Variants in STK32A observed in about 807,000 individuals in gnomAD.
STK32A encodes the protein serine/threonine kinase 32A.
Under a neutral mutation model 53.2 loss-of-function variants are expected in STK32A, and 41 were observed. That is an observed-to-expected ratio of 0.77 (90% CI 0.60 to 1.00). The LOEUF is 1.00. STK32A is among the 50% of genes least tolerant of loss of function. The pLI is 0.00. For synonymous variants in STK32A, 166 were observed against 162.8 expected (o/e 1.02, Z -0.15); for missense variants, 458 against 485.8 (o/e 0.94, Z 0.54).
At chr5:147,254,579 C>T (rs993153016) in intron 2 of STK32A, among the ~76,000 whole-genome samples, 5 of 152,168 alleles carry the variant, frequency 3.3e-5, no homozygotes, top group Admixed American at 1.3e-4. Flanking sequence ...GGTGGGCGCA[C>T]ACTTGGACAA....
intron 2 of STK32A, among the ~76,000 whole-genome samples, chr5:147,262,162 C>G (rs1359830955): frequency 6.6e-6 from 1 of 152,104 alleles, no homozygotes; most frequent in African/African-American, 2.4e-5. Flanking sequence ...GTGAGAAAAC[C>G]TGTCCTGGTT....
chr5:147,246,777 G>C (rs1753784332), intron 2 of STK32A, among the ~76,000 whole-genome samples: 1 of 152,122 alleles, frequency 6.6e-6, no homozygotes, highest in African/African-American at 2.4e-5. Context: ...TCCTCTGTAA[G>C]TTTTTCCTTA....
the STK32A span, chr5:147,400,735 T>C: frequency 6.2e-6 from 10 of 1,614,048 alleles, no homozygotes; most frequent in African/African-American, 4.0e-5. Context: ...CTCCACACCA[T>C]TGGTGCCCTC....
chr5:147,352,110 G>A (rs2058715393), intron 7 of STK32A, among the ~76,000 whole-genome samples: 1 of 152,154 alleles, frequency 6.6e-6, no homozygotes, highest in South Asian at 2.1e-4. Flanking sequence ...TGCTTTGGAA[G>A]CCAAGGCAGG....
Position 147,383,175 on chromosome 5 carries a change from T to C in STK32A, c.1033-266T>C, listed in dbSNP as rs1757519747. 3 of 453,262 alleles carry C rather than the reference T, an allele frequency of 6.6e-6. No homozygotes were observed. In the South Asian group the frequency reaches 9.4e-5, roughly 14 times the overall value. 28.1% of individuals were successfully genotyped at this position (453,262 alleles called of 1,614,324 possible). ...AGCCTTCCCTGAAAGTTGCAAGCTTTCAATAGACTCCAGAGTTCTAAAATA... is the reference window on the plus strand; with the variant it reads ...AGCCTTCCCTGAAAGTTGCAAGCTTCCAATAGACTCCAGAGTTCTAAAATA... On this transcript the variant is annotated intron_variant, in intron 11 of 12. Coordinates refer to ENST00000397936, the MANE Select transcript of STK32A (RefSeq NM_001112724.2).
At chr5:147,306,492 G>A (rs1455656274) in intron 4 of STK32A, among the ~76,000 whole-genome samples, 1 of 151,468 alleles carries the variant, frequency 6.6e-6, no homozygotes, top group East Asian at 1.9e-4. Context: ...TGTGTTATTT[G>A]TTACTATCAA....
chr5:147,298,947 G>A (rs973251585), intron 4 of STK32A, among the ~76,000 whole-genome samples: 5 of 152,166 alleles, frequency 3.3e-5, no homozygotes, highest in African/African-American at 1.2e-4. Flanking sequence ...ATGGCTGCCA[G>A]ATCTGGTGAG....
chr5:147,383,516 C>A lies in STK32A; in HGVS notation c.1097+11C>A. ...TTTCAACAGAGAAAAGTAAGTAATT[C>A]CTGGGAGAACAACAGCCCCAGAAAT... is the stretch of plus-strand genomic sequence containing the variant. On this transcript the variant is annotated intron_variant, in intron 12 of 12. Coordinates refer to ENST00000397936, the MANE Select transcript of STK32A (RefSeq NM_001112724.2). The A allele has an allele frequency of 6.3e-7, 1 of 1,575,912 alleles. No homozygotes were observed. Among genetic ancestry groups the A allele is most frequent in the Non-Finnish European group, 8.6e-7 (1 of 1,158,792 alleles).
chr5:147,294,825 A>C (rs2151963070), intron 4 of STK32A, among the ~76,000 whole-genome samples: 1 of 152,224 alleles, frequency 6.6e-6, no homozygotes, highest in South Asian at 2.1e-4. Context: ...CTGGGACTAC[A>C]GGCATGTGCC....
chr5:147,254,464 C>T (rs1247100497), intron 2 of STK32A, among the ~76,000 whole-genome samples: 1 of 152,174 alleles, frequency 6.6e-6, no homozygotes, highest in Non-Finnish European at 1.5e-5. Context: ...TATAAAGTTT[C>T]AGTGCTGCAA....
intron 4 of STK32A, among the ~76,000 whole-genome samples, chr5:147,280,501 G>A (rs1581033530): frequency 6.6e-6 from 1 of 152,020 alleles, no homozygotes; most frequent in African/African-American, 2.4e-5. Flanking sequence ...GCTGGGTGAG[G>A]CCTGTGACTG....
intron 1 of STK32A, 85 bp from the exon 2 acceptor site, chr5:147,239,454 G>A (rs1384738493): frequency 1.9e-6 from 1 of 513,206 alleles, no homozygotes; most frequent in African/African-American, 2.0e-5. Flanking sequence ...TGATACAGAT[G>A]AGGTTTATGT....
intron 4 of STK32A, among the ~76,000 whole-genome samples, chr5:147,301,232 G>A (rs1412868789): frequency 6.6e-6 from 1 of 152,158 alleles, no homozygotes; most frequent in African/African-American, 2.4e-5. Flanking sequence ...ATGATAGTCT[G>A]TGGTTGGGAG....
chr5:147,311,054 C>CT (rs996893153), intron 4 of STK32A, among the ~76,000 whole-genome samples: 9 of 152,112 alleles, frequency 5.9e-5, no homozygotes, highest in African/African-American at 2.2e-4. Context: ...CACCCCCCAT[C>CT]TTTTTTACTG....
At chr5:147,266,000 G>A (rs1257925684) in intron 2 of STK32A, among the ~76,000 whole-genome samples, 2 of 152,158 alleles carry the variant, frequency 1.3e-5, no homozygotes, top group Non-Finnish European at 2.9e-5. Context: ...AGTGCCAGCC[G>A]AACTTAGAAG....
intron 1 of STK32A, among the ~76,000 whole-genome samples, chr5:147,236,347 G>A (rs1753318130): frequency 2.0e-5 from 3 of 152,068 alleles, no homozygotes; most frequent in Admixed American, 6.5e-5. Context: ...TTTCATGGAT[G>A]GTAGCTGTCC....
intron 4 of STK32A, among the ~76,000 whole-genome samples, chr5:147,300,173 A>G (rs745964855): frequency 1.3e-5 from 2 of 152,236 alleles, no homozygotes; most frequent in Non-Finnish European, 2.9e-5. Flanking sequence ...TACATATATT[A>G]TCTCATTTAT....
intron 5 of STK32A, among the ~76,000 whole-genome samples, chr5:147,338,994 A>G (rs1755273310): frequency 6.6e-6 from 1 of 152,242 alleles, no homozygotes; most frequent in Non-Finnish European, 1.5e-5. Flanking sequence ...TAGAAAAGAA[A>G]AACCTATTTT....
At chr5:147,256,753 C>G (rs1754254089) in intron 2 of STK32A, among the ~76,000 whole-genome samples, 1 of 152,110 alleles carries the variant, frequency 6.6e-6, no homozygotes, top group Non-Finnish European at 1.5e-5. Flanking sequence ...CTCAGGTGAT[C>G]CCCCTGCCTC....
Sources: allele counts gnomAD v4.1 joint callset (sites outside exome capture counted in the v4.1 genomes callset), GRCh38; gene constraint gnomAD v4.1.1; transcripts MANE v1.5; gene names NCBI Gene and HGNC (gene_info 2026-07-23, HGNC 2026-07-21).